Variants in FOXP2 observed in about 807,000 individuals in gnomAD.
FOXP2 encodes forkhead box protein P2.
FOXP2 carries 12 observed loss-of-function variants against 115.8 expected under a neutral mutation model. The ratio of observed to expected loss-of-function variants is 0.10; its 90% confidence interval spans 0.07 to 0.17. The LOEUF (loss-of-function observed/expected upper bound fraction) is 0.17, where lower values mean the gene tolerates loss of function less well. FOXP2 is among the 10% of genes least tolerant of loss of function. The pLI, the probability that FOXP2 is intolerant of heterozygous loss-of-function variation, is 1.00. For synonymous variants in FOXP2, 328 were observed against 297.7 expected, an observed-to-expected ratio of 1.10 and a Z score of -1.05; for missense variants, 629 against 843.5, an observed-to-expected ratio of 0.75 and a Z score of 3.15.
At chr7:114,493,789 G>A (rs938802452) in intron 2 of FOXP2, among the ~76,000 whole-genome samples, 4 of 151,070 alleles carry the variant, frequency 2.6e-5, no homozygotes, top group Non-Finnish European at 4.4e-5. Flanking sequence ...GCCCTTCTAC[G>A]TTGTGGATGC....
At chr7:114,425,825 T>A (rs757081977) in intron 1 of FOXP2, among the ~76,000 whole-genome samples, 6 of 151,646 alleles carry the variant, frequency 4.0e-5, no homozygotes, top group Non-Finnish European at 8.9e-5. Flanking sequence ...ATTAAATGTT[T>A]TAAATGTCAG....
chr7:114,325,187 T>A (rs1311956001), intron 2 of FOXP2, among the ~76,000 whole-genome samples: 1 of 151,932 alleles, frequency 6.6e-6, no homozygotes, highest in Non-Finnish European at 1.5e-5. Flanking sequence ...TTATTTTACA[T>A]AATGTAGGAG....
At chr7:114,243,968 C>T (rs1795217098) in intron 1 of FOXP2, among the ~76,000 whole-genome samples, 1 of 150,136 alleles carries the variant, frequency 6.7e-6, no homozygotes, top group African/African-American at 2.5e-5. Flanking sequence ...AGATTAGAAT[C>T]ACTGAAAAGT....
intron 1 of FOXP2, among the ~76,000 whole-genome samples, chr7:114,229,363 A>G (rs1794816641): frequency 6.6e-6 from 1 of 151,668 alleles, no homozygotes; most frequent in Non-Finnish European, 1.5e-5. Context: ...AACATTCAAC[A>G]TAAGATCAAT....
chr7:114,596,654 C>T lies in FOXP2; in HGVS notation c.259-31886C>T, dbSNP rs187348416. Among the ~76,000 whole-genome samples, 47 of 152,176 alleles carry T rather than the reference C, an allele frequency of 3.1e-4. No homozygotes were observed. In the East Asian group the frequency reaches 8.1e-3, roughly 26 times the overall value. ...CACATGTATTTATAATAATTCTTTT[C>T]GGCATCTTGAATGTCCCATTTTCTT... is the stretch of plus-strand genomic sequence containing the variant. On this transcript the variant is annotated intron_variant, in intron 3 of 16. Transcript: ENST00000350908.
chr7:114,330,559 A>G (rs1797682469), intron 2 of FOXP2, among the ~76,000 whole-genome samples: 1 of 150,962 alleles, frequency 6.6e-6, no homozygotes, highest in African/African-American at 2.4e-5. Flanking sequence ...TATAATGTGA[A>G]TATGCATCTA....
chr7:114,172,748 T>G (rs966244416), intron 1 of FOXP2, among the ~76,000 whole-genome samples: 4 of 152,176 alleles, frequency 2.6e-5, no homozygotes, highest in African/African-American at 9.6e-5. Flanking sequence ...GCATGTGTAA[T>G]GTAATTCAAA....
At position 114,664,381 on chromosome 7, in the gene FOXP2, G is replaced by T. The variant is rs960171629; in HGVS notation, c.1948G>T (p.Asp650Tyr). 1 of 1,613,454 alleles carries T rather than the reference G, an allele frequency of 6.2e-7. No homozygotes were observed. The highest frequency in any genetic ancestry group is 1.3e-5 in the African/African-American group (1 of 74,860). The change falls in exon 16 of 17, where the codon GAT (aspartate) becomes TAT (tyrosine). Residue 650 changes from aspartate (D) to tyrosine (Y), a missense_variant. Asp to Tyr is a radical substitution (Grantham distance 160). Transcript: ENST00000350908. ...CCACGAAGACCTCAATGGTTCTCTG[G>T]ATCACATTGACAGCAATGGAAACAG... ...AVHEDLNGSL[D>Y]HIDSNGNSSP...
intron 2 of FOXP2, among the ~76,000 whole-genome samples, chr7:114,328,300 G>T (rs193115384): frequency 6.9e-6 from 1 of 145,644 alleles, no homozygotes; most frequent in African/African-American, 2.6e-5. Context: ...CCAGTGGCGC[G>T]ATCTCGGCTC....
At chr7:114,500,524 T>C (rs1429068848) in intron 2 of FOXP2, among the ~76,000 whole-genome samples, 1 of 152,176 alleles carries the variant, frequency 6.6e-6, no homozygotes, top group Non-Finnish European at 1.5e-5. Flanking sequence ...TTATATGTTA[T>C]CTACATTTAA....
intron 3 of FOXP2, among the ~76,000 whole-genome samples, chr7:114,597,673 C>T (rs1802800793): frequency 6.6e-6 from 1 of 152,088 alleles, no homozygotes; most frequent in South Asian, 2.1e-4. Flanking sequence ...CAACCTACAT[C>T]CATTCCCCAA....
intron 9 of FOXP2, 45 bp downstream of exon 9, chr7:114,652,335 G>A: frequency 6.4e-7 from 1 of 1,560,356 alleles, no homozygotes; most frequent in Non-Finnish European, 8.8e-7. Context: ...GATTTCTGGT[G>A]TGTTACATTG....
intron 2 of FOXP2, among the ~76,000 whole-genome samples, chr7:114,314,430 T>C (rs1797224433): frequency 1.3e-5 from 2 of 152,082 alleles, no homozygotes; most frequent in African/African-American, 2.4e-5. Flanking sequence ...TCAGACAGCA[T>C]GGGTAGTGTA....
intron 2 of FOXP2, among the ~76,000 whole-genome samples, chr7:114,361,314 A>G (rs1791740111): frequency 6.6e-6 from 1 of 152,132 alleles, no homozygotes; most frequent in South Asian, 2.1e-4. Context: ...ATGCAGGGGA[A>G]TGCCTCAGTG....
At chr7:114,444,942 T>C (rs774101962) in intron 2 of FOXP2, among the ~76,000 whole-genome samples, 1 of 152,182 alleles carries the variant, frequency 6.6e-6, no homozygotes, top group Non-Finnish European at 1.5e-5. Context: ...TCATGCATTC[T>C]TTATTTTGGA....
At chr7:114,589,172 G>A (rs1802313677) in intron 3 of FOXP2, among the ~76,000 whole-genome samples, 3 of 151,816 alleles carry the variant, frequency 2.0e-5, no homozygotes, top group Admixed American at 1.3e-4. Flanking sequence ...TCTGTTCCCC[G>A]GATTGTCTGC....
intron 3 of FOXP2, among the ~76,000 whole-genome samples, chr7:114,592,739 A>G (rs1046546310): frequency 6.6e-5 from 10 of 152,050 alleles, no homozygotes; most frequent in Non-Finnish European, 2.9e-5. Context: ...CAAGTAATAT[A>G]TCTAAGAAGA....
intron 3 of FOXP2, 134 bp downstream of exon 3, chr7:114,534,840 G>T (rs921880286): frequency 2.8e-6 from 2 of 716,416 alleles, no homozygotes; most frequent in South Asian, 1.7e-5. Context: ...TTCATAAAGA[G>T]AATTCATTTT....
At chr7:114,318,960 A>C (rs2690828) in intron 2 of FOXP2, among the ~76,000 whole-genome samples, 143,654 of 152,138 alleles carry the variant, frequency 0.94, 68,064 homozygotes, top group East Asian at 1. Context: ...CATCTAACCT[A>C]CATCTTTAAA....
Sources: allele counts gnomAD v4.1 joint callset (sites outside exome capture counted in the v4.1 genomes callset), GRCh38; gene constraint gnomAD v4.1.1; transcripts MANE v1.5; gene names NCBI Gene and HGNC (gene_info 2026-07-23, HGNC 2026-07-21).